Variants in MACROD2 observed in about 807,000 individuals in gnomAD.
MACROD2 encodes the protein ADP-ribose glycohydrolase MACROD2.
In MACROD2, 36 loss-of-function variants were observed where a neutral mutation model predicts 70.4. The observed-to-expected ratio is 0.51, with a 90% confidence interval of 0.39 to 0.68. The LOEUF (loss-of-function observed/expected upper bound fraction) is 0.68, where lower values mean the gene tolerates loss of function less well. MACROD2 is among the 30% of genes least tolerant of loss of function. The pLI, the probability that MACROD2 is intolerant of heterozygous loss-of-function variation, is 0.00. For missense variants in MACROD2, 496 were observed against 538.4 expected, an observed-to-expected ratio of 0.92 and a Z score of 0.78; for synonymous variants, 172 against 178.8, an observed-to-expected ratio of 0.96 and a Z score of 0.30.
At chr20:15,272,844 A>G (rs2077357465) in intron 6 of MACROD2, among the ~76,000 whole-genome samples, 1 of 152,178 alleles carries the variant, frequency 6.6e-6, no homozygotes, top group South Asian at 2.1e-4. Flanking sequence ...GGAATAGTCT[A>G]CAGTTGCCAA....
chr20:15,736,843 G>A (rs916231660), intron 8 of MACROD2, among the ~76,000 whole-genome samples: 2 of 152,110 alleles, frequency 1.3e-5, no homozygotes, highest in African/African-American at 4.8e-5. Flanking sequence ...ATCTGCAGGA[G>A]GTCCTGGAAC....
intron 5 of MACROD2, among the ~76,000 whole-genome samples, chr20:14,829,668 T>C (rs1056346168): frequency 6.6e-6 from 1 of 152,086 alleles, no homozygotes; most frequent in Non-Finnish European, 1.5e-5. Flanking sequence ...ACATATTTTA[T>C]CCATCACTGT....
At chr20:14,010,949 G>A (rs2052894880) in intron 2 of MACROD2, among the ~76,000 whole-genome samples, 1 of 152,130 alleles carries the variant, frequency 6.6e-6, no homozygotes, top group African/African-American at 2.4e-5. Context: ...TTCTATAACA[G>A]CAGTGGAATT....
At position 15,914,359 on chromosome 20, in the gene MACROD2, G is replaced by T. The variant is rs548369394; in HGVS notation, c.776-18917G>T. ...CAATGAATTTGTTAAGTTGTTTTCC[G>T]AATGCTGAAAGGAGATGGACGTCAG... On this transcript the variant is annotated intron_variant, in intron 10 of 17. Transcript: ENST00000684519. Among the ~76,000 whole-genome samples, 131 of 152,278 alleles carry T rather than the reference G, an allele frequency of 8.6e-4. 1 individual carries two copies. Among genetic ancestry groups the T allele is most frequent in the Non-Finnish European group, 1.6e-4 (11 of 68,012 alleles).
At chr20:15,342,074 GA>G (rs773874676) in intron 6 of MACROD2, among the ~76,000 whole-genome samples, 1 of 151,236 alleles carries the variant, frequency 6.6e-6, no homozygotes, top group Non-Finnish European at 1.5e-5. Context: ...CCAGTAATAG[GA>G]AAAAAAATAC....
intron 4 of MACROD2, among the ~76,000 whole-genome samples, chr20:14,641,511 A>G (rs1162401255): frequency 1.3e-5 from 2 of 152,214 alleles, no homozygotes; most frequent in Non-Finnish European, 2.9e-5. Flanking sequence ...AGTAATCACT[A>G]TCTATGTCAG....
chr20:14,892,197 C>A (rs1009516576), intron 5 of MACROD2, among the ~76,000 whole-genome samples: 4 of 152,246 alleles, frequency 2.6e-5, no homozygotes, highest in African/African-American at 9.6e-5. Context: ...TGTGGGCTGG[C>A]ATGGTGGCTC....
intron 3 of MACROD2, among the ~76,000 whole-genome samples, chr20:14,321,798 A>C (rs558658058): frequency 2.1e-4 from 32 of 152,304 alleles, no homozygotes; most frequent in Non-Finnish European, 4.0e-4. Context: ...TAGGGGAATA[A>C]TACTTTTAAT....
chr20:14,044,049 G>A (rs2053431176), intron 2 of MACROD2, among the ~76,000 whole-genome samples: 1 of 152,200 alleles, frequency 6.6e-6, no homozygotes, highest in South Asian at 2.1e-4. Flanking sequence ...TGGTCTCACT[G>A]ACTTCAAGAA....
chr20:14,740,147 G>A (rs912587719), intron 5 of MACROD2, among the ~76,000 whole-genome samples: 21 of 151,944 alleles, frequency 1.4e-4, no homozygotes, highest in African/African-American at 4.1e-4. Flanking sequence ...AAATTCCTCC[G>A]CTTATTAAAG....
At chr20:14,397,406 T>C (rs1001120431) in intron 3 of MACROD2, among the ~76,000 whole-genome samples, 1 of 152,230 alleles carries the variant, frequency 6.6e-6, no homozygotes, top group African/African-American at 2.4e-5. Context: ...GCTTATAGTG[T>C]GCACATTTAA....
At chr20:15,907,427 G>T (rs2065164278) in intron 10 of MACROD2, among the ~76,000 whole-genome samples, 1 of 152,202 alleles carries the variant, frequency 6.6e-6, no homozygotes, top group Non-Finnish European at 1.5e-5. Context: ...GCCCAATGAG[G>T]ATGGGGAGAG....
intron 5 of MACROD2, among the ~76,000 whole-genome samples, chr20:14,714,079 G>A (rs1271141084): frequency 6.6e-6 from 1 of 152,138 alleles, no homozygotes; most frequent in African/African-American, 2.4e-5. Context: ...GCATAGATAG[G>A]AAGTGGAAAA....
rs1386832115 is a variant in MACROD2, at chr20:15,151,379, C to T, written c.419-78561C>T. The stretch of plus-strand genomic sequence containing the variant: ...AAGTTCTTGTGTGCTGGAGATGTGG[C>T]TGGGGTTTGTCTCACAGTGGAGGCA... On this transcript the variant is annotated intron_variant, in intron 5 of 17. Transcript: ENST00000684519. 2.0e-5 allele frequency among the ~76,000 whole-genome samples: 3 copies of T among 152,092 alleles called. No individual in the cohort carries two copies. In the East Asian group the frequency reaches 5.8e-4, roughly 29 times the overall value.
chr20:14,471,678 G>A (rs2084532455), intron 3 of MACROD2, among the ~76,000 whole-genome samples: 1 of 152,076 alleles, frequency 6.6e-6, no homozygotes, highest in Admixed American at 6.5e-5. Context: ...GCATACAAAT[G>A]TTAAAACAAA....
chr20:14,426,643 G>T (rs1302499554), intron 3 of MACROD2, among the ~76,000 whole-genome samples: 1 of 152,088 alleles, frequency 6.6e-6, no homozygotes, highest in Non-Finnish European at 1.5e-5. Flanking sequence ...GGGCTATTTA[G>T]TTAGGTAAAC....
chr20:15,430,544 A>G (rs996285039), intron 6 of MACROD2, among the ~76,000 whole-genome samples: 10 of 151,998 alleles, frequency 6.6e-5, no homozygotes, highest in African/African-American at 2.4e-4. Context: ...TACCCAGACC[A>G]CTTTCTATAG....
At chr20:15,488,267 C>T (rs1001405328) in intron 7 of MACROD2, among the ~76,000 whole-genome samples, 1 of 152,156 alleles carries the variant, frequency 6.6e-6, no homozygotes, top group East Asian at 1.9e-4. Context: ...GGCTTATTCT[C>T]ATAGGCCTCA....
intron 8 of MACROD2, among the ~76,000 whole-genome samples, chr20:15,737,193 AAG>A (rs1369206186): frequency 6.6e-6 from 1 of 152,150 alleles, no homozygotes; most frequent in African/African-American, 2.4e-5. Context: ...TTTGAAGATA[AAG>A]TGTGTGCTTT....
Sources: gnomAD v4.1 joint callset for allele counts (sites outside exome capture counted in the v4.1 genomes callset) on GRCh38, gnomAD v4.1.1 for gene constraint, MANE v1.5 for transcripts, NCBI Gene and HGNC (gene_info 2026-07-23, HGNC 2026-07-21) for gene names.